LIPC: variants seen among roughly 807,000 people sequenced by gnomAD.
LIPC encodes lipase C, hepatic type.
In LIPC, 44 loss-of-function variants were observed where a neutral mutation model predicts 50.7. That is an observed-to-expected ratio of 0.87 (90% CI 0.68 to 1.11). LIPC has a LOEUF of 1.11. Among genes scored for constraint, LIPC ranks in the 50% most tolerant of loss-of-function variants. The pLI is 0.00. For synonymous variants in LIPC, 271 were observed against 256.4 expected (o/e 1.06, Z -0.54); for missense variants, 697 against 648.2 (o/e 1.08, Z -0.82).
At chr15:58,440,620 G>C (rs1385685567) in intron 1 of LIPC, among the ~76,000 whole-genome samples, 2 of 152,222 alleles carry the variant, frequency 1.3e-5, no homozygotes, top group South Asian at 2.1e-4. Flanking sequence ...GGGTGTGTGT[G>C]GGGGCAGGGA....
At chr15:58,470,834 C>T (rs1245265623) in intron 1 of LIPC, among the ~76,000 whole-genome samples, 2 of 152,096 alleles carry the variant, frequency 1.3e-5, no homozygotes, top group Admixed American at 1.3e-4. Context: ...ATCTCCTGAC[C>T]TCGTGATCCG....
At chr15:58,538,601 T>C in intron 2 of LIPC, 84 bp downstream of exon 2, 1 of 1,385,514 alleles carries the variant, frequency 7.2e-7, no homozygotes, top group Non-Finnish European at 1.0e-6. Flanking sequence ...CATAAAAAGA[T>C]AGGGAGCTGG....
chr15:58,442,463 G>T (rs1442453948), intron 1 of LIPC, among the ~76,000 whole-genome samples: 2 of 152,204 alleles, frequency 1.3e-5, no homozygotes, highest in Non-Finnish European at 2.9e-5. Context: ...GTTTTATTCA[G>T]GGCCTGACAT....
chr15:58,456,707 G>T (rs4775049), intron 1 of LIPC, among the ~76,000 whole-genome samples: 97,682 of 152,174 alleles, frequency 0.64, 32,304 homozygotes, highest in African/African-American at 0.8. Flanking sequence ...TAGATGTCTG[G>T]TCTCTCTTTG....
At chr15:58,465,946 T>A (rs1894548165) in intron 1 of LIPC, among the ~76,000 whole-genome samples, 1 of 152,196 alleles carries the variant, frequency 6.6e-6, no homozygotes, top group African/African-American at 2.4e-5. Context: ...TTGGTAGAGA[T>A]CTAAAATTCC....
intron 8 of LIPC, chr15:58,565,131 G>A (rs1343674284): frequency 2.1e-6 from 3 of 1,438,844 alleles, no homozygotes; most frequent in Non-Finnish European, 1.9e-6. Context: ...TCCCTGGGAT[G>A]CAAAATCCTG....
intron 1 of LIPC, among the ~76,000 whole-genome samples, chr15:58,471,330 G>GGGT (rs1555399318): frequency 7.6e-5 from 9 of 118,334 alleles, no homozygotes; most frequent in East Asian, 2.5e-4. Context: ...AGTAGAGATG[G>GGGT]GGGGGGGTGG....
At chr15:58,492,782 C>T (rs1026150906) in intron 1 of LIPC, among the ~76,000 whole-genome samples, 3 of 152,184 alleles carry the variant, frequency 2.0e-5, no homozygotes, top group African/African-American at 4.8e-5. Context: ...CCTCCTTAAA[C>T]CCAAATATCC....
chr15:58,558,473 G>A (rs1357567493), intron 6 of LIPC, among the ~76,000 whole-genome samples: 1 of 152,168 alleles, frequency 6.6e-6, no homozygotes, highest in Non-Finnish European at 1.5e-5. Context: ...ATTACAGCAG[G>A]GGTCCCCAAC....
At chr15:58,482,530 C>G (rs1185833272) in intron 1 of LIPC, among the ~76,000 whole-genome samples, 1 of 152,154 alleles carries the variant, frequency 6.6e-6, no homozygotes, top group East Asian at 1.9e-4. Context: ...ATACCTGGCT[C>G]TTAGGTTGTT....
chr15:58,434,674 G>A (rs370807532), intron 1 of LIPC, among the ~76,000 whole-genome samples: 4 of 152,232 alleles, frequency 2.6e-5, no homozygotes, highest in East Asian at 1.9e-4. Flanking sequence ...ACTGGATAGC[G>A]TGAGCTGCTT....
chr15:58,541,687 C>A, intron 2 of LIPC, 98 bp from the exon 3 acceptor site: 1 of 1,257,214 alleles, frequency 8.0e-7, no homozygotes, highest in Non-Finnish European at 1.1e-6. Context: ...AACGTCATAG[C>A]AAGCCCTTCC....
At chr15:58,480,593 G>A (rs547878321) in intron 1 of LIPC, among the ~76,000 whole-genome samples, 41 of 152,158 alleles carry the variant, frequency 2.7e-4, no homozygotes, top group Admixed American at 1.6e-3. Flanking sequence ...CACTGTGCCC[G>A]GCCTATAAGT....
chr15:58,543,159 C>G (rs920267838), intron 4 of LIPC, among the ~76,000 whole-genome samples: 19 of 152,168 alleles, frequency 1.2e-4, no homozygotes, highest in African/African-American at 4.6e-4. Context: ...AGAAATGGCC[C>G]AAGATATCCA....
At position 58,544,718 on chromosome 15, in the gene LIPC, C is replaced by T. The variant is rs570305315; in HGVS notation, c.575-1024C>T. On this transcript the variant is annotated intron_variant, in intron 4 of 8. Transcript: ENST00000299022. ...GGCCAAGGACATTTTTCATTTGTCA[C>T]TGTGGGTAGGGCTGGAGAACGGGTG... 9.9e-5 allele frequency among the ~76,000 whole-genome samples: 15 copies of T among 152,268 alleles called. No individual in the cohort carries two copies. The South Asian group carries it at 3.1e-3, about 32-fold the overall frequency.
intron 1 of LIPC, among the ~76,000 whole-genome samples, chr15:58,481,830 A>T (rs141300563): frequency 3.3e-5 from 5 of 152,290 alleles, no homozygotes; most frequent in African/African-American, 1.2e-4. Flanking sequence ...GTAGAAATGT[A>T]TGTACTTGTG....
In LIPC at chr15:58,461,533, C is replaced by T. The variant is rs1481505764; in HGVS notation, c.88+29413C>T. On this transcript the variant is annotated intron_variant, in intron 1 of 8. Transcript: ENST00000299022. ...AAGCGATTCTCCTGCCTCAGCCTCC[C>T]GATTAGCTGGGATTACTGGTGTGCA... is the stretch of plus-strand genomic sequence containing the variant. Among the ~76,000 whole-genome samples, 6 of 152,048 alleles carry T rather than the reference C, an allele frequency of 3.9e-5. No individual in the cohort carries two copies. The South Asian group carries it at 6.2e-4, about 16-fold the overall frequency.
At chr15:58,453,311 G>A (rs1893980057) in intron 1 of LIPC, among the ~76,000 whole-genome samples, 1 of 152,002 alleles carries the variant, frequency 6.6e-6, no homozygotes, top group Non-Finnish European at 1.5e-5. Flanking sequence ...ACCTAGAATA[G>A]CAACGTCTCA....
chr15:58,476,818 C>A (rs1318810316), intron 1 of LIPC, among the ~76,000 whole-genome samples: 2 of 152,262 alleles, frequency 1.3e-5, no homozygotes, highest in Non-Finnish European at 2.9e-5. Flanking sequence ...TGCCTCTGTA[C>A]TTGAGAAGCT....
Sources: gnomAD v4.1 joint callset for allele counts (sites outside exome capture counted in the v4.1 genomes callset) on GRCh38, gnomAD v4.1.1 for gene constraint, MANE v1.5 for transcripts, NCBI Gene and HGNC (gene_info 2026-07-23, HGNC 2026-07-21) for gene names.